BMAL1: variants seen among roughly 807,000 people sequenced by gnomAD.
BMAL1 encodes the protein basic helix-loop-helix ARNT-like protein 1.
chr11:13,350,385 C>CTTTAATATGA, the BMAL1 span, among the ~76,000 whole-genome samples: 1 of 152,150 alleles, frequency 6.6e-6, no homozygotes, highest in East Asian at 1.9e-4. Flanking sequence ...CCAACAGGGT[C>CTTTAATATGA]TTTAATATGA....
At chr11:13,357,663 C>A in the BMAL1 span, among the ~76,000 whole-genome samples, 1 of 152,230 alleles carries the variant, frequency 6.6e-6, no homozygotes, top group Non-Finnish European at 1.5e-5. This position sits in a 1 kb window ranked among gnomAD's most constrained non-coding sequence, Gnocchi z 4.8. Flanking sequence ...CAGGGGGCTG[C>A]AGAAATTGGC....
chr11:13,374,787 T>A, the BMAL1 span, among the ~76,000 whole-genome samples: 2 of 152,206 alleles, frequency 1.3e-5, no homozygotes, highest in African/African-American at 4.8e-5. Context: ...TATCCCCAGA[T>A]AGATTGAGCC....
the BMAL1 span, among the ~76,000 whole-genome samples, chr11:13,316,246 C>T: frequency 4.6e-5 from 7 of 152,184 alleles, no homozygotes; most frequent in African/African-American, 1.7e-4. Context: ...GGGCCCATGG[C>T]CCTACGGAAG....
chr11:13,308,478 A>G, the BMAL1 span, among the ~76,000 whole-genome samples: 2 of 152,196 alleles, frequency 1.3e-5, no homozygotes, highest in African/African-American at 4.8e-5. Flanking sequence ...AGATGAAAAC[A>G]AGGACTGAAC....
chr11:13,369,824 C>T, the BMAL1 span: 117 of 1,576,736 alleles, frequency 7.4e-5, no homozygotes, highest in East Asian at 3.6e-4. Context: ...CTTTCTGCAG[C>T]GGAGCTCTCA....
chr11:13,372,212 C>G, the BMAL1 span: 3 of 1,614,156 alleles, frequency 1.9e-6, no homozygotes, highest in Non-Finnish European at 2.5e-6. Context: ...ATTTGAAAAG[C>G]TGGCCACCCA....
the BMAL1 span, among the ~76,000 whole-genome samples, chr11:13,310,477 C>G: frequency 6.6e-6 from 1 of 152,140 alleles, no homozygotes; most frequent in Non-Finnish European, 1.5e-5. Context: ...AAAGGAGTCA[C>G]GGGCAAGAAC....
At chr11:13,354,206 CACCA>C in the BMAL1 span, 4 of 880,506 alleles carry the variant, frequency 4.5e-6, no homozygotes, top group Admixed American at 5.9e-5. Context: ...CCCGGCCCCC[CACCA>C]CCAAACCCCC....
the BMAL1 span, among the ~76,000 whole-genome samples, chr11:13,351,966 A>C: frequency 6.6e-6 from 1 of 152,294 alleles, no homozygotes; most frequent in African/African-American, 2.4e-5. Flanking sequence ...CCAAGATGGG[A>C]GTTACATAAC....
chr11:13,347,193 G>C, the BMAL1 span, among the ~76,000 whole-genome samples: 1 of 151,954 alleles, frequency 6.6e-6, no homozygotes, highest in Non-Finnish European at 1.5e-5. Context: ...AGGAGTCTGG[G>C]CAGCATAGTG....
At chr11:13,311,261 A>G in the BMAL1 span, among the ~76,000 whole-genome samples, 1 of 152,222 alleles carries the variant, frequency 6.6e-6, no homozygotes, top group Admixed American at 6.5e-5. Context: ...AATGGAAGCC[A>G]TAGGATTAAA....
At chr11:13,322,522 T>TTCC in the BMAL1 span, among the ~76,000 whole-genome samples, 2 of 152,226 alleles carry the variant, frequency 1.3e-5, no homozygotes, top group Non-Finnish European at 2.9e-5. Flanking sequence ...TCTTTTGCAT[T>TTCC]TCTTTGCAAA....
At chr11:13,282,565 C>G in the BMAL1 span, among the ~76,000 whole-genome samples, 1 of 152,210 alleles carries the variant, frequency 6.6e-6, no homozygotes, top group Non-Finnish European at 1.5e-5. Flanking sequence ...TTGGCCCAGT[C>G]CATCCCTCAA....
the BMAL1 span, among the ~76,000 whole-genome samples, chr11:13,306,337 C>T: frequency 1.3e-5 from 2 of 152,038 alleles, no homozygotes; most frequent in Admixed American, 6.5e-5. Context: ...AGGTCCTGGC[C>T]GTGACAGTAG....
At chr11:13,307,011 T>C in the BMAL1 span, among the ~76,000 whole-genome samples, 2 of 152,172 alleles carry the variant, frequency 1.3e-5, no homozygotes, top group East Asian at 1.9e-4. Context: ...AAGGCTCTGA[T>C]TGGCCCAGGT....
At chr11:13,355,468 A>C in the BMAL1 span, among the ~76,000 whole-genome samples, 2 of 152,198 alleles carry the variant, frequency 1.3e-5, no homozygotes, top group African/African-American at 4.8e-5. Context: ...ATGTGTTCTA[A>C]GGCCTCTGTC....
the BMAL1 span, among the ~76,000 whole-genome samples, chr11:13,368,136 C>A: frequency 6.6e-6 from 1 of 152,180 alleles, no homozygotes; most frequent in African/African-American, 2.4e-5. Flanking sequence ...ATATGAATGG[C>A]ATTTGGGCCT....
chr11:13,351,970 A>G, the BMAL1 span, among the ~76,000 whole-genome samples: 1 of 152,234 alleles, frequency 6.6e-6, no homozygotes, highest in African/African-American at 2.4e-5. Flanking sequence ...GATGGGAGTT[A>G]CATAACTCTT....
At chr11:13,334,458 C>T in the BMAL1 span, among the ~76,000 whole-genome samples, 1 of 152,044 alleles carries the variant, frequency 6.6e-6, no homozygotes, top group South Asian at 2.1e-4. Flanking sequence ...CATCCTGTAG[C>T]TCTGCCAGGC....
Sources: allele counts gnomAD v4.1 joint callset (sites outside exome capture counted in the v4.1 genomes callset), GRCh38; gene constraint gnomAD v4.1.1; non-coding constraint Gnocchi (gnomAD v3.1); transcripts MANE v1.5; gene names NCBI Gene and HGNC (gene_info 2026-07-23, HGNC 2026-07-21).